Variants in ADAMTSL1 observed in about 807,000 individuals in gnomAD.
ADAMTSL1 encodes the protein ADAMTS like 1.
ADAMTSL1 carries 126 observed loss-of-function variants against 201.8 expected under a neutral mutation model. The ratio of observed to expected loss-of-function variants is 0.62; its 90% CI spans 0.54 to 0.72. ADAMTSL1 has a LOEUF of 0.72. ADAMTSL1 is among the 30% of genes least tolerant of loss of function. The pLI, the probability that ADAMTSL1 is intolerant of heterozygous loss-of-function variation, is 0.00. For missense variants in ADAMTSL1, 2,679 were observed against 2,277.8 expected (o/e 1.18, Z -3.59); for synonymous variants, 1,121 against 903.4 (o/e 1.24, Z -4.32).
At chr9:18,375,314 A>C (rs1039030053) in intron 2 of ADAMTSL1, among the ~76,000 whole-genome samples, 2 of 152,150 alleles carry the variant, frequency 1.3e-5, no homozygotes, top group African/African-American at 4.8e-5. Flanking sequence ...GTAACTGATT[A>C]CTGGTGGGCT....
intron 7 of ADAMTSL1, among the ~76,000 whole-genome samples, chr9:18,655,255 C>CA (rs1413715138): frequency 6.6e-6 from 1 of 152,190 alleles, no homozygotes; most frequent in Non-Finnish European, 1.5e-5. Context: ...CATAACCCCC[C>CA]ATACACATTT....
intron 9 of ADAMTSL1, among the ~76,000 whole-genome samples, chr9:18,671,402 C>G (rs1002470439): frequency 6.6e-6 from 1 of 152,134 alleles, no homozygotes; most frequent in Non-Finnish European, 1.5e-5. Context: ...TGATTTGTTA[C>G]GAGACTGGTA....
intron 2 of ADAMTSL1, among the ~76,000 whole-genome samples, chr9:18,468,571 C>G (rs1013454290): frequency 4.6e-5 from 7 of 152,098 alleles, no homozygotes; most frequent in African/African-American, 1.7e-4. Context: ...GTGAACATAA[C>G]TCTCATTGTC....
intron 2 of ADAMTSL1, among the ~76,000 whole-genome samples, chr9:18,359,642 C>T (rs898140639): frequency 1.3e-5 from 2 of 152,146 alleles, no homozygotes; most frequent in African/African-American, 2.4e-5. Context: ...CTTTCTTCTG[C>T]ACCAAGATTG....
chr9:18,796,019 T>A (rs1394941826), intron 20 of ADAMTSL1, among the ~76,000 whole-genome samples: 1 of 152,212 alleles, frequency 6.6e-6, no homozygotes, highest in Non-Finnish European at 1.5e-5. Flanking sequence ...TATTTCATCC[T>A]CTTGCTCTAA....
At chr9:18,027,636 A>G (rs1820760054) in intron 1 of ADAMTSL1, among the ~76,000 whole-genome samples, 1 of 152,008 alleles carries the variant, frequency 6.6e-6, no homozygotes, top group African/African-American at 2.4e-5. Context: ...ATGGCTGAGC[A>G]TGTGGTTGAT....
In ADAMTSL1 at chr9:18,829,900, G is replaced by A. The variant is rs1435369327; in HGVS notation, c.4172G>A (p.Gly1391Glu). 3.1e-6 allele frequency: 5 copies of A among 1,613,776 alleles called. No individual in the cohort carries two copies. The highest frequency in any genetic ancestry group is 4.2e-6 in the Non-Finnish European group (5 of 1,179,882). ...EDIRALLAATGPNLPSVLTSP... is the reference protein window; with the variant it reads ...EDIRALLAATEPNLPSVLTSP... ...ATCAGGGCCTTGCTCGCTGCCACTG[G>A]ACCGAACCTTCCTTCAGTGCTGACG... Residue 1391 changes from glycine to glutamate, a missense_variant, in exon 23 of 29, where the codon GGA becomes GAA. Physicochemically the swap from Gly to Glu is moderately conservative, Grantham distance 98. Coordinates refer to ENST00000380548, the MANE Select transcript of ADAMTSL1 (RefSeq NM_001040272.6).
At chr9:18,082,333 T>C (rs1024184263) in intron 1 of ADAMTSL1, among the ~76,000 whole-genome samples, 10 of 152,084 alleles carry the variant, frequency 6.6e-5, no homozygotes, top group African/African-American at 2.4e-4. Context: ...TAAACGACCA[T>C]TTTTTCACTC....
chr9:18,202,886 A>AGCTCTTTCCAGAGT (rs1368106892), intron 2 of ADAMTSL1, among the ~76,000 whole-genome samples: 1 of 152,050 alleles, frequency 6.6e-6, no homozygotes, highest in East Asian at 1.9e-4. Flanking sequence ...TGACCTCAAG[A>AGCTCTTTCCAGAGT]GCTCTTTCCA....
chr9:18,029,662 A>G (rs553411103), intron 1 of ADAMTSL1, among the ~76,000 whole-genome samples: 8 of 152,204 alleles, frequency 5.3e-5, no homozygotes, highest in Non-Finnish European at 8.8e-5. Flanking sequence ...ACAAAGGGCT[A>G]ATATCCAGAA....
chr9:18,251,349 A>C (rs1831459149), intron 2 of ADAMTSL1, among the ~76,000 whole-genome samples: 1 of 152,166 alleles, frequency 6.6e-6, no homozygotes, highest in African/African-American at 2.4e-5. Context: ...GAGTTTCTAG[A>C]CAAGAAAGTT....
intron 2 of ADAMTSL1, among the ~76,000 whole-genome samples, chr9:18,383,615 T>C (rs921786744): frequency 6.6e-6 from 1 of 152,154 alleles, no homozygotes; most frequent in African/African-American, 2.4e-5. Context: ...TCTCAGATGA[T>C]GGAAGCATCC....
intron 22 of ADAMTSL1, among the ~76,000 whole-genome samples, chr9:18,828,534 A>T (rs946237381): frequency 7.9e-5 from 12 of 151,194 alleles, no homozygotes; most frequent in Admixed American, 5.3e-4. Context: ...TGAGAAAACT[A>T]AGGCTCTGAG....
At chr9:18,016,294 T>C (rs753431879) in intron 1 of ADAMTSL1, among the ~76,000 whole-genome samples, 1 of 152,072 alleles carries the variant, frequency 6.6e-6, no homozygotes, top group Non-Finnish European at 1.5e-5. Flanking sequence ...TTAAGTGGGT[T>C]GAGAAGAAAG....
At chr9:18,433,925 C>A (rs746710312) in intron 2 of ADAMTSL1, among the ~76,000 whole-genome samples, 53 of 152,130 alleles carry the variant, frequency 3.5e-4, no homozygotes, top group Non-Finnish European at 6.3e-4. Flanking sequence ...TAGGGGAATG[C>A]TAATTGCAAT....
chr9:17,924,354 G>T (rs1201690539), intron 1 of ADAMTSL1, among the ~76,000 whole-genome samples: 2 of 152,106 alleles, frequency 1.3e-5, no homozygotes, highest in African/African-American at 4.8e-5. Flanking sequence ...TTAGTCTTGG[G>T]AGAGTGTATG....
chr9:18,440,174 G>A (rs1031830502), intron 2 of ADAMTSL1, among the ~76,000 whole-genome samples: 8 of 152,024 alleles, frequency 5.3e-5, no homozygotes, highest in African/African-American at 4.8e-5. Context: ...TACACATACA[G>A]GAGTTCTGCT....
intron 2 of ADAMTSL1, among the ~76,000 whole-genome samples, chr9:18,522,418 TAG>T (rs1378506809): frequency 6.6e-6 from 1 of 152,166 alleles, no homozygotes; most frequent in African/African-American, 2.4e-5. Flanking sequence ...GAGTTTTTTG[TAG>T]AGTCTCAGGA....
At chr9:17,946,057 T>A (rs1827457899) in intron 1 of ADAMTSL1, among the ~76,000 whole-genome samples, 1 of 105,468 alleles carries the variant, frequency 9.5e-6, no homozygotes, top group Non-Finnish European at 1.9e-5. Context: ...TCATGATGTG[T>A]ATGTGTGTGT....
Sources: gnomAD v4.1 joint callset for allele counts (sites outside exome capture counted in the v4.1 genomes callset) on GRCh38, gnomAD v4.1.1 for gene constraint, MANE v1.5 for transcripts, NCBI Gene and HGNC (gene_info 2026-07-23, HGNC 2026-07-21) for gene names.